The following RERE variants were observed in gnomAD, a reference collection of about 807,000 sequenced individuals.
RERE encodes arginine-glutamic acid dipeptide repeats, also known as arginine-glutamic acid dipeptide repeats protein.
A neutral mutation model predicts 146.1 loss-of-function variants in RERE; 40 were observed. The ratio of observed to expected loss-of-function variants is 0.27; its 90% CI spans 0.21 to 0.36. The LOEUF is 0.36. Among genes scored for constraint, RERE ranks in the 10% least tolerant of loss-of-function variants. The pLI is 1.00. For synonymous variants in RERE, 1,003 were observed against 866.0 expected, an observed-to-expected ratio of 1.16 and a Z score of -2.78; for missense variants, 1,933 against 2,138.7, an observed-to-expected ratio of 0.90 and a Z score of 1.90.
intron 11 of RERE, among the ~76,000 whole-genome samples, chr1:8,437,861 T>C (rs1644191779): frequency 2.6e-5 from 4 of 152,106 alleles, no homozygotes; most frequent in Admixed American, 2.6e-4. Context: ...GGCTGAGACT[T>C]CTGCTCCCCC....
At chr1:8,501,053 C>T (rs1159935099) in intron 8 of RERE, among the ~76,000 whole-genome samples, 1 of 141,524 alleles carries the variant, frequency 7.1e-6, no homozygotes, top group African/African-American at 2.6e-5. Context: ...GGTCAGCCCC[C>T]CGCCCGGCCA....
At chr1:8,554,414 C>T (rs1272861497) in intron 6 of RERE, among the ~76,000 whole-genome samples, 1 of 151,510 alleles carries the variant, frequency 6.6e-6, no homozygotes, top group Admixed American at 6.6e-5. Flanking sequence ...TGGCTGAGTG[C>T]GGTGGTTCAC....
intron 1 of RERE, among the ~76,000 whole-genome samples, chr1:8,774,489 G>T (rs547051608): frequency 6.6e-6 from 1 of 151,744 alleles, no homozygotes; most frequent in East Asian, 1.9e-4. Context: ...TAGTAGCTGG[G>T]ATTACAGGCA....
intron 7 of RERE, among the ~76,000 whole-genome samples, chr1:8,537,374 T>C (rs1645738940): frequency 6.6e-6 from 1 of 152,200 alleles, no homozygotes; most frequent in African/African-American, 2.4e-5. Context: ...GCAGTGTTCA[T>C]GTAATAATCC....
chr1:8,801,622 A>G (rs1173500761), intron 1 of RERE, among the ~76,000 whole-genome samples: 2 of 152,224 alleles, frequency 1.3e-5, no homozygotes, highest in Non-Finnish European at 2.9e-5. Flanking sequence ...TCCACCTATC[A>G]GATTAACAAA....
intron 1 of RERE, among the ~76,000 whole-genome samples, chr1:8,705,551 G>C (rs1172756423): frequency 6.6e-6 from 1 of 152,190 alleles, no homozygotes; most frequent in Non-Finnish European, 1.5e-5. Context: ...TCATAGAACT[G>C]TGTTCCTCCT....
In RERE at chr1:8,691,044, C is replaced by T. The variant is rs567832853; in HGVS notation, c.-144-34603G>A. ...TCCTGAGTAGCTGGGACTATAGGCG[C>T]GCACCACCACGCCCAGCTAATCTTT... On this transcript the variant is annotated intron_variant, in intron 1 of 22. Transcript: ENST00000400908. Among the ~76,000 whole-genome samples, 91 of 152,094 alleles carry T rather than the reference C, an allele frequency of 6.0e-4. No individual in the cohort carries two copies. In the East Asian group the frequency reaches 7.2e-3, roughly 12 times the overall value.
chr1:8,608,230 G>C (rs1478520958), intron 4 of RERE, among the ~76,000 whole-genome samples: 1 of 152,158 alleles, frequency 6.6e-6, no homozygotes, highest in African/African-American at 2.4e-5. Context: ...AACAAGGGCT[G>C]TGCCAAGTGG....
chr1:8,673,313 C>T (rs930588030), intron 1 of RERE, among the ~76,000 whole-genome samples: 4 of 152,134 alleles, frequency 2.6e-5, no homozygotes, highest in Admixed American at 1.3e-4. Flanking sequence ...CCAGGCTGGT[C>T]TCGAACTCCT....
intron 8 of RERE, among the ~76,000 whole-genome samples, chr1:8,497,879 A>C (rs565826491): frequency 6.6e-6 from 1 of 152,362 alleles, no homozygotes; most frequent in South Asian, 2.1e-4. Context: ...ATAAAGAAGG[A>C]AACACACATA....
chr1:8,560,085 A>C (rs139299119), intron 4 of RERE, among the ~76,000 whole-genome samples: 1 of 152,252 alleles, frequency 6.6e-6, no homozygotes, highest in African/African-American at 2.4e-5. Context: ...TACTCATTAT[A>C]GAAAAAATAT....
rs1645728348 is a variant in RERE, at chr1:8,536,439, T to C, written c.830+4775A>G. The stretch of plus-strand genomic sequence containing the variant: ...AAATGAAAAAAGCAACTAAGGACAG[T>C]AAAGAGAGGCATATAACCACGTCCC... On this transcript the variant is annotated intron_variant, in intron 7 of 22. Transcript: ENST00000400908. Among the ~76,000 whole-genome samples, 3 of 152,170 alleles carry C rather than the reference T, an allele frequency of 2.0e-5. No individual in the cohort carries two copies. The South Asian group carries it at 6.2e-4, about 32-fold the overall frequency.
intron 1 of RERE, among the ~76,000 whole-genome samples, chr1:8,805,008 G>GTTTTTTTTT (rs1186832596): frequency 3.9e-4 from 30 of 77,860 alleles, no homozygotes; most frequent in Non-Finnish European, 4.3e-4. Context: ...TTTGTTTTTG[G>GTTTTTTTTT]TTTTTTTTTT....
At chr1:8,717,918 G>C (rs1569623862) in intron 1 of RERE, among the ~76,000 whole-genome samples, 1 of 152,176 alleles carries the variant, frequency 6.6e-6, no homozygotes, top group East Asian at 1.9e-4. Context: ...ACTAAGTAGG[G>C]GGAAAGGGCT....
At chr1:8,675,932 T>A (rs934327355) in intron 1 of RERE, among the ~76,000 whole-genome samples, 2 of 152,214 alleles carry the variant, frequency 1.3e-5, no homozygotes, top group African/African-American at 4.8e-5. Flanking sequence ...GCATTTCTTT[T>A]GAGCATCATC....
chr1:8,444,890 T>C (rs979561107), intron 11 of RERE, among the ~76,000 whole-genome samples: 1 of 150,758 alleles, frequency 6.6e-6, no homozygotes, highest in African/African-American at 2.5e-5. Context: ...CCTATAGAAC[T>C]GTGCGCCAAT....
chr1:8,627,284 T>G (rs1035503035), intron 2 of RERE, among the ~76,000 whole-genome samples: 1 of 152,076 alleles, frequency 6.6e-6, no homozygotes. Context: ...AGAAATGTAC[T>G]CAATTCTACC....
chr1:8,667,344 T>C (rs1638599532), intron 1 of RERE, among the ~76,000 whole-genome samples: 1 of 152,196 alleles, frequency 6.6e-6, no homozygotes, highest in African/African-American at 2.4e-5. Flanking sequence ...CCAGGAGGTT[T>C]CCAATAAAAA....
chr1:8,678,847 A>G (rs1638903109), intron 1 of RERE, among the ~76,000 whole-genome samples: 1 of 152,264 alleles, frequency 6.6e-6, no homozygotes, highest in Admixed American at 6.5e-5. Flanking sequence ...GTCTAGACAT[A>G]AGAGAATGCT....
Sources: allele counts gnomAD v4.1 joint callset (sites outside exome capture counted in the v4.1 genomes callset), GRCh38; gene constraint gnomAD v4.1.1; transcripts MANE v1.5; gene names NCBI Gene and HGNC (gene_info 2026-07-23, HGNC 2026-07-21).